The following SLU7 variants were observed in gnomAD, a reference collection of about 807,000 sequenced individuals.
SLU7 encodes the protein pre-mRNA-splicing factor SLU7.
A neutral mutation model predicts 87.0 loss-of-function variants in SLU7; 60 were observed. The observed-to-expected ratio is 0.69, with a 90% CI of 0.56 to 0.86. SLU7 has a LOEUF of 0.86. Among genes scored for constraint, SLU7 ranks in the 40% least tolerant of loss-of-function variants. SLU7 has a pLI of 0.00. For missense variants in SLU7, 507 were observed against 686.6 expected, an observed-to-expected ratio of 0.74 and a Z score of 2.92; for synonymous variants, 197 against 222.0, an observed-to-expected ratio of 0.89 and a Z score of 1.00.
chr5:160,408,857 ATATT>A lies in SLU7; in HGVS notation c.640-164_640-161del, dbSNP rs973571319. ...ATTATATTTATATTATATATAATAAATATTTATTATATAATATATAATATGTAAC... is the reference window on the plus strand; with the variant it reads ...ATTATATTTATATTATATATAATAAATATTATATAATATATAATATGTAAC... On this transcript the variant is annotated intron_variant, in intron 6 of 15. Coordinates refer to ENST00000297151, the MANE Select transcript of SLU7 (RefSeq NM_006425.5). Among the ~76,000 whole-genome samples, 254 of 58,530 alleles carry A rather than the reference ATATT, an allele frequency of 4.3e-3. 1 individual carries two copies. Among genetic ancestry groups the A allele is most frequent in the African/African-American group, 0.011 (231 of 21,018 alleles). The allele number at this position is 58,530 out of a possible 152,430, so 38.4% of individuals were successfully genotyped here. A position where few individuals can be genotyped will look rare whatever the true frequency, so the allele number is the denominator to read the frequency against.
rs1370449401 is a variant in SLU7, at chr5:160,412,309, A to G, written c.639+142T>C. On this transcript the variant is annotated intron_variant, in intron 6 of 15. Transcript: ENST00000297151. ...ATCAATTTATATTACTATGAACTGT[A>G]TACAAAGTATCAGTTTTATTTTTCC... The G allele has an allele frequency of 6.6e-6, 4 of 602,542 alleles. No homozygotes were observed. The Admixed American group carries it at 1.3e-4, about 19-fold the overall frequency. The allele number at this position is 602,542 out of a possible 1,614,324, so 37.3% of individuals were successfully genotyped here.
intron 6 of SLU7, among the ~76,000 whole-genome samples, chr5:160,408,988 T>C (rs1765127189): frequency 6.6e-6 from 1 of 151,392 alleles, no homozygotes; most frequent in Admixed American, 6.6e-5. Context: ...AAGAGTGCCA[T>C]TGTAAATAAT....
At chr5:160,412,261 A>T (rs1765267485) in intron 6 of SLU7, among the ~76,000 whole-genome samples, 190 bp downstream of exon 6, 1 of 152,222 alleles carries the variant, frequency 6.6e-6, no homozygotes, top group Non-Finnish European at 1.5e-5. Context: ...AAATAGTGGC[A>T]ATATTGTTCC....
chr5:160,414,484 GT>G lies in SLU7; in HGVS notation c.171-13del. 2.2e-6 allele frequency: 3 copies of G among 1,335,268 alleles called. No homozygotes were observed. The highest frequency in any genetic ancestry group is 3.0e-6 in the Non-Finnish European group (3 of 1,005,684). The allele number at this position is 1,335,268 out of a possible 1,614,324, so 82.7% of individuals were successfully genotyped here. A position where few individuals can be genotyped will look rare whatever the true frequency, so the allele number is the denominator to read the frequency against. Reference sequence around the variant, plus strand: ...GGGGGTTGATGTCTCTGTAATTAAAGTAAAAAAAAAAAAAATTTAAGGATAA... The same window carrying G: ...GGGGGTTGATGTCTCTGTAATTAAAGAAAAAAAAAAAAAATTTAAGGATAA... On this transcript the variant is annotated splice_polypyrimidine_tract_variant and intron_variant, in intron 2 of 15. Coordinates refer to ENST00000297151, the MANE Select transcript of SLU7 (RefSeq NM_006425.5).
At chr5:160,412,180 GA>G (rs935352674) in intron 6 of SLU7, among the ~76,000 whole-genome samples, 1 of 152,070 alleles carries the variant, frequency 6.6e-6, no homozygotes, top group Non-Finnish European at 1.5e-5. Context: ...CTAAACTCTA[GA>G]AAATTCTTTA....
In SLU7 at chr5:160,405,087, A is replaced by G. The variant is rs758401406; in HGVS notation, c.1336T>C (p.Cys446Arg). 6.2e-7 allele frequency: 1 copy of G among 1,613,976 alleles called. No homozygotes were observed. Among genetic ancestry groups the G allele is most frequent in the Non-Finnish European group, 8.5e-7 (1 of 1,179,856 alleles). The change falls in exon 13 of 16, where the codon TGT (cysteine) becomes CGT (arginine). Residue 446 changes from cysteine (C) to arginine (R), a missense_variant. Around this residue, in one of 6 missense-constraint regions of SLU7, gnomAD observed 201 missense variants for 213.4 expected, o/e 0.94. Transcript: ENST00000297151. Reference sequence around the variant, plus strand: ...TAGGAATACTTGAAAAAAGAGTGACAGCATTTGTATCCCCATCGGCCTTCT... The same window carrying G: ...TAGGAATACTTGAAAAAAGAGTGACGGCATTTGTATCCCCATCGGCCTTCT... ...WKEGRWGYKC[C>R]HSFFKYSYCT... is the part of the protein sequence containing the mutation.
At chr5:160,412,827 TAG>T (rs1274782255) in intron 5 of SLU7, among the ~76,000 whole-genome samples, 1 of 151,998 alleles carries the variant, frequency 6.6e-6, no homozygotes, top group East Asian at 1.9e-4. Context: ...CACAGAACTC[TAG>T]ATGACTGACT....
At position 160,406,596 on chromosome 5, in the gene SLU7, C is replaced by T; in HGVS notation, c.1159G>A (p.Ala387Thr). Residue 387 changes from alanine (A) to threonine (T), a missense_variant, in exon 12 of 16, where the codon GCT (alanine) becomes ACT (threonine). Coordinates refer to ENST00000297151, the MANE Select transcript of SLU7 (RefSeq NM_006425.5). ...GGQEHLDAPP[A>T]ELLLAQTEDY... is the part of the protein sequence containing the mutation. ...TCAGTCTGGGCTAAAAGCAATTCAG[C>T]TGGAGGGGCATCCAAATGTTCTTGG... 4.3e-6 allele frequency: 7 copies of T among 1,611,886 alleles called. No individual in the cohort carries two copies. Among genetic ancestry groups the T allele is most frequent in the Non-Finnish European group, 5.9e-6 (7 of 1,179,112 alleles).
intron 1 of SLU7, among the ~76,000 whole-genome samples, chr5:160,417,702 G>C (rs906994076): frequency 3.4e-5 from 5 of 146,312 alleles, no homozygotes; most frequent in African/African-American, 1.3e-4. Flanking sequence ...TGAGACAGGA[G>C]AATCACCTGA....
Position 160,403,423 on chromosome 5 carries a change from C to T in SLU7, c.1623G>A (p.Glu541=). The T allele has an allele frequency of 6.2e-7, 1 of 1,612,380 alleles. No homozygotes were observed. The highest frequency in any genetic ancestry group is 8.5e-7 in the Non-Finnish European group (1 of 1,179,330). Reference sequence around the variant, plus strand: ...GCTTCCTCTCATCAATCTGCATGGTCTCCTTGACATGAAGAAGGCGGGCCT... The same window carrying T: ...GCTTCCTCTCATCAATCTGCATGGTTTCCTTGACATGAAGAAGGCGGGCCT... ...AEEARLLHVK[E]TMQIDERKRP... Residue 541 remains glutamate (E), a synonymous_variant, in exon 16 of 16, where the codon GAG becomes GAA. Transcript: ENST00000297151.
chr5:160,415,534 T>C (rs1055811079), intron 1 of SLU7, among the ~76,000 whole-genome samples: 1 of 152,212 alleles, frequency 6.6e-6, no homozygotes, highest in Non-Finnish European at 1.5e-5. Context: ...CACGTGTATT[T>C]AAAATTTCAC....
chr5:160,409,834 G>A (rs957732938), intron 6 of SLU7, among the ~76,000 whole-genome samples: 17 of 152,148 alleles, frequency 1.1e-4, no homozygotes, highest in African/African-American at 4.1e-4. Flanking sequence ...TAGGATAAGG[G>A]TATATATTTG....
chr5:160,409,058 C>A (rs1419214355), intron 6 of SLU7, among the ~76,000 whole-genome samples: 1 of 151,430 alleles, frequency 6.6e-6, no homozygotes, highest in Non-Finnish European at 1.5e-5. Flanking sequence ...AGATTATAAC[C>A]ACAAAATGGT....
At chr5:160,408,927 G>A (rs1228510503) in intron 6 of SLU7, among the ~76,000 whole-genome samples, 1 of 148,566 alleles carries the variant, frequency 6.7e-6, no homozygotes, top group Non-Finnish European at 1.5e-5. Context: ...AATTCTAACT[G>A]AACAAACTCT....
Position 160,404,895 on chromosome 5 carries a change from T to C in SLU7, c.1393-15A>G, listed in dbSNP as rs762529962. 17 of 1,586,266 alleles carry C rather than the reference T, an allele frequency of 1.1e-5. No individual in the cohort carries two copies. The East Asian group carries it at 3.6e-4, about 33-fold the overall frequency. On this transcript the variant is annotated splice_polypyrimidine_tract_variant and intron_variant, in intron 13 of 15. Coordinates refer to ENST00000297151, the MANE Select transcript of SLU7 (RefSeq NM_006425.5). Reference sequence around the variant, plus strand: ...TCCTCAGAGTTCTGTGGGAAATACATGTAATTTGAGTTGAGTGTCATAGTT... The same window carrying C: ...TCCTCAGAGTTCTGTGGGAAATACACGTAATTTGAGTTGAGTGTCATAGTT...
At chr5:160,418,911 C>T (rs1325002223) in intron 1 of SLU7, 112 bp downstream of exon 1, 1 of 152,366 alleles carries the variant, frequency 6.6e-6, no homozygotes, top group African/African-American at 2.4e-5. Context: ...CCCTCAACAC[C>T]TGAGGGCTCA....
rs776522512 is a variant in SLU7, at chr5:160,407,952, C to T, written c.917+19G>A. ...ACTTTCTCTCATCTTAAAATCTGTA[C>T]ATTTAACTTGATACTTACTCATCTG... is the stretch of plus-strand genomic sequence containing the variant. On this transcript the variant is annotated intron_variant, in intron 9 of 15. Transcript: ENST00000297151. This position sits in a 1 kb window ranked among gnomAD's most constrained non-coding sequence, Gnocchi z 4.2. 6.4e-7 allele frequency: 1 copy of T among 1,557,170 alleles called. No homozygotes were observed. The highest frequency in any genetic ancestry group is 1.1e-5 in the South Asian group (1 of 89,680).
chr5:160,403,327 A>T lies in SLU7; in HGVS notation c.1719T>A (p.Arg573=). ...EEEMEAYRMK[R]QRPDDPMASF... ...AGGCCATGGGGTCATCTGGCCTCTGACGTTTCATTCTATATGCCTCCATTT... is the reference window on the plus strand; with the variant it reads ...AGGCCATGGGGTCATCTGGCCTCTGTCGTTTCATTCTATATGCCTCCATTT... Residue 573 remains arginine, a synonymous_variant, in exon 16 of 16, where the codon CGT becomes CGA. Coordinates refer to ENST00000297151, the MANE Select transcript of SLU7 (RefSeq NM_006425.5). 6.2e-7 allele frequency: 1 copy of T among 1,612,266 alleles called. No individual in the cohort carries two copies.
rs576954782 is a variant in SLU7 at position 160,410,578 on chromosome 5, T to A, written c.639+1873A>T. On this transcript the variant is annotated intron_variant, in intron 6 of 15. Transcript: ENST00000297151. ...AAACTTAAAGTATATAAAAAAAAAA[T>A]AATCCAAGCATCCAAGTGGGCAAAA... 1.3e-4 allele frequency among the ~76,000 whole-genome samples: 19 copies of A among 151,668 alleles called. No homozygotes were observed. The South Asian group carries it at 2.3e-3, about 18-fold the overall frequency.
Sources: allele counts gnomAD v4.1 joint callset (sites outside exome capture counted in the v4.1 genomes callset), GRCh38; gene constraint gnomAD v4.1.1; regional missense constraint gnomAD v4.1.1; non-coding constraint Gnocchi (gnomAD v3.1); transcripts MANE v1.5; gene names NCBI Gene and HGNC (gene_info 2026-07-23, HGNC 2026-07-21).